NUDCD1: variants seen among roughly 807,000 people sequenced by gnomAD.
NUDCD1 encodes NudC domain containing 1.
Under a neutral mutation model 67.8 loss-of-function variants are expected in NUDCD1, and 60 were observed. The observed-to-expected ratio is 0.88, with a 90% confidence interval of 0.72 to 1.10. The LOEUF is 1.10. Among genes scored for constraint, NUDCD1 ranks in the 50% least tolerant of loss-of-function variants. NUDCD1 has a pLI of 0.00. For missense variants in NUDCD1, 643 were observed against 695.0 expected (o/e 0.93, Z 0.84); for synonymous variants, 244 against 230.8 (o/e 1.06, Z -0.52).
chr8:109,323,073 T>G (rs1815580518), intron 1 of NUDCD1, among the ~76,000 whole-genome samples: 1 of 152,194 alleles, frequency 6.6e-6, no homozygotes, highest in African/African-American at 2.4e-5. Flanking sequence ...ATTAGCTGCT[T>G]CCCTAGGTTT....
intron 1 of NUDCD1, among the ~76,000 whole-genome samples, chr8:109,323,874 C>T (rs942893700): frequency 6.6e-6 from 1 of 151,904 alleles, no homozygotes; most frequent in Middle Eastern, 3.2e-3. Context: ...AATTGGATAT[C>T]CATAGCAGAA....
At chr8:109,331,572 C>T (rs1411239651) in intron 1 of NUDCD1, among the ~76,000 whole-genome samples, 2 of 147,488 alleles carry the variant, frequency 1.4e-5, no homozygotes, top group Non-Finnish European at 3.0e-5. Flanking sequence ...TGCAGCTGTA[C>T]ATCCCAAACA....
chr8:109,333,416 T>C (rs1815862291), intron 1 of NUDCD1, among the ~76,000 whole-genome samples: 1 of 152,110 alleles, frequency 6.6e-6, no homozygotes, highest in South Asian at 2.1e-4. Context: ...AACTGAGTAA[T>C]TAAAAATGCT....
chr8:109,306,056 C>A (rs551648791), intron 2 of NUDCD1, among the ~76,000 whole-genome samples: 1 of 152,142 alleles, frequency 6.6e-6, no homozygotes, highest in African/African-American at 2.4e-5. Context: ...GACTGCACCC[C>A]GAAAACTTGT....
intron 2 of NUDCD1, among the ~76,000 whole-genome samples, chr8:109,302,563 C>A (rs1223993424): frequency 6.6e-6 from 1 of 152,122 alleles, no homozygotes; most frequent in Non-Finnish European, 1.5e-5. Context: ...CCTATTACCT[C>A]CCCTCCTTAC....
At chr8:109,312,456 T>C (rs1410279943) in intron 2 of NUDCD1, among the ~76,000 whole-genome samples, 1 of 152,144 alleles carries the variant, frequency 6.6e-6, no homozygotes, top group Non-Finnish European at 1.5e-5. Context: ...AACTATAGGC[T>C]TTTTGGAGAT....
chr8:109,242,445 G>T lies in NUDCD1; in HGVS notation c.*564C>A. 3.6e-6 allele frequency: 1 copy of T among 279,432 alleles called. No individual in the cohort carries two copies. The highest frequency in any genetic ancestry group is 6.6e-6 in the Non-Finnish European group (1 of 152,044). The allele number at this position is 279,432 out of a possible 1,614,324, so 17.3% of individuals were successfully genotyped here. On this transcript the variant is annotated 3_prime_UTR_variant, in exon 10 of 10. Transcript: ENST00000239690. ...CTTATCTCTCTTTGTCTATGTCTGT[G>T]GCAGAGCAACTGGCTAAAAGTTACA...
intron 2 of NUDCD1, among the ~76,000 whole-genome samples, chr8:109,299,638 T>G (rs150516093): frequency 6.6e-6 from 1 of 152,104 alleles, no homozygotes; most frequent in East Asian, 1.9e-4. Context: ...CGCCTAGCCC[T>G]GCCCCCACCC....
chr8:109,278,700 T>C (rs1054324801), intron 6 of NUDCD1, among the ~76,000 whole-genome samples: 2 of 152,208 alleles, frequency 1.3e-5, no homozygotes, highest in African/African-American at 4.8e-5. Context: ...TGTTTTTAAT[T>C]CATTCATATT....
At position 109,271,027 on chromosome 8, in the gene NUDCD1, T is replaced by A. The variant is rs11550169; in HGVS notation, c.1277A>T (p.Asn426Ile). Residue 426 changes from asparagine (N) to isoleucine (I), a missense_variant, in exon 8 of 10, where the codon AAT (asparagine) becomes ATT (isoleucine). By Grantham distance (149) the Asn-to-Ile change is moderately radical. Transcript: ENST00000239690. ...ESSSLCRFDG[N>I]TLKTTHVVNL... is the part of the protein sequence containing the mutation. The stretch of plus-strand genomic sequence containing the variant: ...TACCACATGAGTAGTTTTTAATGTA[T>A]TGCCATCAAATCTGCATAAACTGGA... The A allele has an allele frequency of 5.0e-6, 8 of 1,587,188 alleles. No homozygotes were observed. The highest frequency in any genetic ancestry group is 6.9e-6 in the Non-Finnish European group (8 of 1,162,422).
rs1007698659 is a variant in NUDCD1 at position 109,307,182 on chromosome 8, T to C, written c.274-10613A>G. ...CCACCAATGTGATTTGTTCCTGCCC[T>C]ACCCTAACTGATAGGATATATTCTC... On this transcript the variant is annotated intron_variant, in intron 2 of 9. Transcript: ENST00000239690. Among the ~76,000 whole-genome samples the C allele has an allele frequency of 3.3e-5, 5 of 152,208 alleles. No homozygotes were observed. In the South Asian group the frequency reaches 1.0e-3, roughly 31 times the overall value.
chr8:109,279,997 G>T (rs1814393976), intron 6 of NUDCD1, among the ~76,000 whole-genome samples: 1 of 152,092 alleles, frequency 6.6e-6, no homozygotes, highest in Non-Finnish European at 1.5e-5. Context: ...TGTAAATGGA[G>T]AATTTACATA....
At position 109,293,371 on chromosome 8, in the gene NUDCD1, A is replaced by C. The variant is rs751694064; in HGVS notation, c.613T>G (p.Trp205Gly). 1 of 1,575,082 alleles carries C rather than the reference A, an allele frequency of 6.3e-7. No individual in the cohort carries two copies. The highest frequency in any genetic ancestry group is 1.9e-5 in the Admixed American group (1 of 52,660). The change falls in exon 4 of 10, where the codon TGG becomes GGG. Residue 205 changes from tryptophan to glycine, a missense_variant. Trp to Gly is a radical substitution (Grantham distance 184). Transcript: ENST00000239690. ...TGATTTTTCTTACTGATAGTGACCC[A>C]CTCCAGAGAAACATAGAAACCACTT... ...KGSGFYVSLE[W>G]VTISKKNQDN...
chr8:109,291,495 A>G (rs1814711713), intron 4 of NUDCD1, among the ~76,000 whole-genome samples: 1 of 152,198 alleles, frequency 6.6e-6, no homozygotes, highest in South Asian at 2.1e-4. Context: ...CTTAATGTGT[A>G]ATGGAGCTAT....
intron 8 of NUDCD1, among the ~76,000 whole-genome samples, chr8:109,256,125 C>T (rs1440525731): frequency 1.3e-5 from 2 of 152,134 alleles, no homozygotes; most frequent in Non-Finnish European, 2.9e-5. Flanking sequence ...AGTGGGAAGA[C>T]TGCTTGATCC....
chr8:109,292,912 A>G (rs543450044), intron 4 of NUDCD1, among the ~76,000 whole-genome samples: 2 of 152,218 alleles, frequency 1.3e-5, no homozygotes, highest in East Asian at 1.9e-4. Flanking sequence ...AAAAGAAATC[A>G]TACCTGTACT....
At chr8:109,272,364 AACACACAC>A (rs5893949) in intron 7 of NUDCD1, among the ~76,000 whole-genome samples, 3,689 of 150,354 alleles carry the variant, frequency 0.025, 135 homozygotes, top group African/African-American at 0.085. Flanking sequence ...GAACCACTAA[AACACACAC>A]ACACACACAC....
chr8:109,322,501 T>G, intron 1 of NUDCD1, 38 bp from the exon 2 acceptor site: 2 of 1,546,348 alleles, frequency 1.3e-6, no homozygotes, highest in Non-Finnish European at 1.8e-6. Flanking sequence ...CATCAAGAGT[T>G]TTGCCTCAGA....
rs111496383 is a variant in NUDCD1 at position 109,257,042 on chromosome 8, G to A, written c.1300-11561C>T. Reference sequence around the variant, plus strand: ...CTTAAATAAAAACTCTAGAACTAATGTCATATTTAATGGTAAACCACTCAA... The same window carrying A: ...CTTAAATAAAAACTCTAGAACTAATATCATATTTAATGGTAAACCACTCAA... On this transcript the variant is annotated intron_variant, in intron 8 of 9. Coordinates refer to ENST00000239690, the MANE Select transcript of NUDCD1 (RefSeq NM_032869.4). Among the ~76,000 whole-genome samples the A allele has an allele frequency of 7.8e-3, 1,190 of 151,916 alleles. 14 individuals carry two copies. The highest frequency in any genetic ancestry group is 0.027 in the African/African-American group (1,124 of 41,474).
Sources: allele counts gnomAD v4.1 joint callset (sites outside exome capture counted in the v4.1 genomes callset), GRCh38; gene constraint gnomAD v4.1.1; transcripts MANE v1.5; gene names NCBI Gene and HGNC (gene_info 2026-07-23, HGNC 2026-07-21).